Variants in UBE2QL1 observed in about 807,000 individuals in gnomAD.
The protein encoded by UBE2QL1 is ubiquitin-conjugating enzyme E2Q-like protein 1.
A neutral mutation model predicts 12.6 loss-of-function variants in UBE2QL1; 5 were observed. The observed-to-expected ratio is 0.40, with a 90% CI of 0.21 to 0.83. The LOEUF (loss-of-function observed/expected upper bound fraction) is 0.83. Among genes scored for constraint, UBE2QL1 ranks in the 40% least tolerant of loss-of-function variants. The pLI is 0.37. For synonymous variants in UBE2QL1, 96 were observed against 94.5 expected (o/e 1.02, Z -0.10); for missense variants, 99 against 222.6 (o/e 0.44, Z 3.53).
At chr5:6,461,543 A>ACCCCCCCCCCCCCCCCCCCCCCC (rs71953375) in intron 1 of UBE2QL1, among the ~76,000 whole-genome samples, 1 of 42,184 alleles carries the variant, frequency 2.4e-5, no homozygotes, top group African/African-American at 7.4e-5. Context: ...AGCACCCACC[A>ACCCCCCCCCCCCCCCCCCCCCCC]CCCCCCCCCG....
rs272478 is a variant in UBE2QL1, at chr5:6,463,784, T to A, written c.354+14537T>A. 5.3e-5 allele frequency among the ~76,000 whole-genome samples: 8 copies of A among 150,402 alleles called. No individual in the cohort carries two copies. The East Asian group carries it at 7.9e-4, about 15-fold the overall frequency. Reference sequence around the variant, plus strand: ...CTGGGACTACAGGCGCCCGCCACCATGCCTGGCTAATTTTTTGTATTTTTA... The same window carrying A: ...CTGGGACTACAGGCGCCCGCCACCAAGCCTGGCTAATTTTTTGTATTTTTA... On this transcript the variant is annotated intron_variant, in intron 1 of 1. Transcript: ENST00000399816.
At chr5:6,459,369 G>C (rs1287164065) in intron 1 of UBE2QL1, among the ~76,000 whole-genome samples, 1 of 152,124 alleles carries the variant, frequency 6.6e-6, no homozygotes, top group African/African-American at 2.4e-5. Context: ...GGGTATCCTG[G>C]CATCTGCCTT....
At position 6,478,065 on chromosome 5, in the gene UBE2QL1, TA is replaced by T. The variant is rs1374634231; in HGVS notation, c.355-13150del. ...CAGAAAAGTAACAAAGTAGGTGAAG[TA>T]AATAATCCATGTAGAGTCTTATTAT... On this transcript the variant is annotated intron_variant, in intron 1 of 1. Coordinates refer to ENST00000399816, the MANE Select transcript of UBE2QL1 (RefSeq NM_001145161.3). This position sits in a 1 kb window ranked among gnomAD's most constrained non-coding sequence, Gnocchi z 4.5. 2.0e-5 allele frequency among the ~76,000 whole-genome samples: 3 copies of T among 152,206 alleles called. No individual in the cohort carries two copies. In the East Asian group the frequency reaches 5.8e-4, roughly 29 times the overall value.
chr5:6,476,463 G>T lies in UBE2QL1; in HGVS notation c.355-14755G>T, dbSNP rs1393954796. On this transcript the variant is annotated intron_variant, in intron 1 of 1. Coordinates refer to ENST00000399816, the MANE Select transcript of UBE2QL1 (RefSeq NM_001145161.3). The surrounding 1 kb of genome is among the most constrained non-coding windows in gnomAD (Gnocchi z 4.9). The stretch of plus-strand genomic sequence containing the variant: ...CTGGGTCACGGGGCTGCTGGGTCAG[G>T]GTTGCTGCAGGAAGAAGCTTTGCCA... Among the ~76,000 whole-genome samples, 1 of 152,182 alleles carries T rather than the reference G, an allele frequency of 6.6e-6. No homozygotes were observed. Among genetic ancestry groups the T allele is most frequent in the African/African-American group, 2.4e-5 (1 of 41,444 alleles).
chr5:6,473,277 AC>A (rs148774824), intron 1 of UBE2QL1, among the ~76,000 whole-genome samples: 4,802 of 152,300 alleles, frequency 0.032, 166 homozygotes, highest in Admixed American at 0.096. Flanking sequence ...TCATTTCCAC[AC>A]AAGAGCGTAC....
intron 1 of UBE2QL1, among the ~76,000 whole-genome samples, chr5:6,483,866 C>A (rs1479438444): frequency 6.6e-6 from 1 of 152,120 alleles, no homozygotes; most frequent in East Asian, 1.9e-4. Context: ...GTCCTCTATG[C>A]CCTCAGATCT....
chr5:6,487,879 C>G (rs1579303304), intron 1 of UBE2QL1, among the ~76,000 whole-genome samples: 1 of 152,176 alleles, frequency 6.6e-6, no homozygotes, highest in East Asian at 1.9e-4. Flanking sequence ...GAGGGGTCCC[C>G]CCTCTTCTTG....
intron 1 of UBE2QL1, among the ~76,000 whole-genome samples, chr5:6,474,293 C>T (rs752734016): frequency 2.0e-4 from 30 of 152,208 alleles, no homozygotes; most frequent in Admixed American, 4.6e-4. Context: ...ACCAGGAGTA[C>T]GTGCATGGCA....
chr5:6,470,281 A>T (rs1395608336), intron 1 of UBE2QL1, among the ~76,000 whole-genome samples: 1 of 152,108 alleles, frequency 6.6e-6, no homozygotes, highest in Non-Finnish European at 1.5e-5. Flanking sequence ...TACTATTACT[A>T]TTATCATTTT....
chr5:6,467,868 T>G (rs1235215256), intron 1 of UBE2QL1, among the ~76,000 whole-genome samples: 1 of 152,022 alleles, frequency 6.6e-6, no homozygotes, highest in Non-Finnish European at 1.5e-5. Context: ...GGTTTATCTG[T>G]TTTTCTTAGC....
intron 1 of UBE2QL1, among the ~76,000 whole-genome samples, chr5:6,477,936 C>G (rs1734274866): frequency 6.6e-6 from 1 of 152,188 alleles, no homozygotes; most frequent in Admixed American, 6.5e-5. Context: ...CAGAAACCAC[C>G]CTCCTAGAAT....
intron 1 of UBE2QL1, among the ~76,000 whole-genome samples, chr5:6,457,162 C>T (rs910171204): frequency 6.6e-6 from 1 of 152,092 alleles, no homozygotes; most frequent in East Asian, 1.9e-4. Context: ...CACTGTACAG[C>T]CATGATGGCA....
At position 6,481,915 on chromosome 5, in the gene UBE2QL1, G is replaced by A. The variant is rs148969899; in HGVS notation, c.355-9303G>A. Among the ~76,000 whole-genome samples the A allele has an allele frequency of 1.4e-3, 219 of 152,354 alleles. 1 individual carries two copies. The highest frequency in any genetic ancestry group is 4.8e-3 in the African/African-American group (198 of 41,582). On this transcript the variant is annotated intron_variant, in intron 1 of 1. Coordinates refer to ENST00000399816, the MANE Select transcript of UBE2QL1 (RefSeq NM_001145161.3). The surrounding 1 kb of genome is among the most constrained non-coding windows in gnomAD (Gnocchi z 4.5). ...CCTCTCTGTCAGCTTTATGCCTGCC[G>A]TGGGCAGAGTTATGTCCTCCCCAAA...
rs575503256 is a variant in UBE2QL1, at chr5:6,491,378, C to T, written c.*29C>T. 7.8e-5 allele frequency: 119 copies of T among 1,534,016 alleles called. No individual in the cohort carries two copies. The African/African-American group carries it at 1.3e-3, about 17-fold the overall frequency. On this transcript the variant is annotated 3_prime_UTR_variant, in exon 2 of 2. Transcript: ENST00000399816. ...CTGCCACGTGCAGTAGACGCTCGAG[C>T]GCCTGTCCACACACACACCAGTACC...
intron 1 of UBE2QL1, among the ~76,000 whole-genome samples, chr5:6,460,239 C>A (rs1451301913): frequency 6.6e-6 from 1 of 152,200 alleles, no homozygotes; most frequent in East Asian, 1.9e-4. Context: ...GGAGCATAAA[C>A]CCAACTGCTC....
chr5:6,492,184 C>G lies in UBE2QL1; in HGVS notation c.*835C>G, dbSNP rs1033131324. 6.6e-6 allele frequency: 1 copy of G among 152,238 alleles called. No homozygotes were observed. Among genetic ancestry groups the G allele is most frequent in the Non-Finnish European group, 1.5e-5 (1 of 68,054 alleles). 9.4% of individuals were successfully genotyped at this position (152,238 alleles called of 1,614,324 possible). A position where few individuals can be genotyped will look rare whatever the true frequency, so the allele number is the denominator to read the frequency against. ...TTAGGAAATGGTCCTACGGCCGCGC[C>G]TTTGTGTTCCTGTCTTCTCTCCACC... On this transcript the variant is annotated 3_prime_UTR_variant, in exon 2 of 2. Coordinates refer to ENST00000399816, the MANE Select transcript of UBE2QL1 (RefSeq NM_001145161.3).
intron 1 of UBE2QL1, among the ~76,000 whole-genome samples, chr5:6,471,423 G>T (rs962474607): frequency 1.3e-5 from 2 of 152,212 alleles, no homozygotes; most frequent in Non-Finnish European, 2.9e-5. Flanking sequence ...GGGAGGATTG[G>T]TTCCCATGAG....
At chr5:6,466,185 TC>T (rs1739788361) in intron 1 of UBE2QL1, among the ~76,000 whole-genome samples, 1 of 152,118 alleles carries the variant, frequency 6.6e-6, no homozygotes, top group Admixed American at 6.5e-5. Flanking sequence ...AGCCACTTCT[TC>T]CCCTCCCTGT....
At chr5:6,465,997 C>T (rs1739780887) in intron 1 of UBE2QL1, among the ~76,000 whole-genome samples, 1 of 152,056 alleles carries the variant, frequency 6.6e-6, no homozygotes, top group South Asian at 2.1e-4. Context: ...CGACCTCCCT[C>T]CCCTCACACT....
Sources: gnomAD v4.1 joint callset for allele counts (sites outside exome capture counted in the v4.1 genomes callset) on GRCh38, gnomAD v4.1.1 for gene constraint, Gnocchi (gnomAD v3.1) non-coding constraint, MANE v1.5 for transcripts, NCBI Gene and HGNC (gene_info 2026-07-23, HGNC 2026-07-21) for gene names.